The following KAZN variants were observed in gnomAD, a reference collection of about 807,000 sequenced individuals.
The protein encoded by KAZN is kazrin.
Under a neutral mutation model 87.4 loss-of-function variants are expected in KAZN, and 40 were observed. That is an observed-to-expected ratio of 0.46 (90% confidence interval 0.36 to 0.60). KAZN has a LOEUF of 0.60. KAZN is among the 20% of genes least tolerant of loss of function. The pLI is 0.00. For missense variants in KAZN, 898 were observed against 1,073.9 expected, an observed-to-expected ratio of 0.84 and a Z score of 2.29; for synonymous variants, 466 against 458.3, an observed-to-expected ratio of 1.02 and a Z score of -0.22.
intron 2 of KAZN, among the ~76,000 whole-genome samples, chr1:14,988,283 G>A (rs1419265557): frequency 6.6e-6 from 1 of 152,172 alleles, no homozygotes; most frequent in Admixed American, 6.5e-5. Context: ...CCTCCTCCCG[G>A]GGCTTCCTCC....
At chr1:14,707,313 G>T (rs1295773061) in intron 1 of KAZN, among the ~76,000 whole-genome samples, 2 of 152,156 alleles carry the variant, frequency 1.3e-5, no homozygotes, top group Admixed American at 6.5e-5. Flanking sequence ...GAGGATAAAG[G>T]CAATAACAGA....
At chr1:14,569,319 G>GC (rs1415724176) in intron 2 of KAZN, among the ~76,000 whole-genome samples, 16 of 73,320 alleles carry the variant, frequency 2.2e-4, no homozygotes, top group African/African-American at 9.3e-4. Context: ...TACTTCCTCT[G>GC]CTTTTTTTTT....
intron 2 of KAZN, among the ~76,000 whole-genome samples, chr1:14,224,919 A>AAAGG (rs1647209524): frequency 6.6e-6 from 1 of 152,208 alleles, no homozygotes; most frequent in Non-Finnish European, 1.5e-5. Context: ...ACTGAAATAT[A>AAAGG]AAGGAGGCTT....
intron 1 of KAZN, among the ~76,000 whole-genome samples, chr1:14,130,969 C>G (rs1441314644): frequency 6.6e-6 from 1 of 152,062 alleles, no homozygotes; most frequent in Non-Finnish European, 1.5e-5. Flanking sequence ...GAAGACATAC[C>G]TGAGACTAAG....
intron 1 of KAZN, among the ~76,000 whole-genome samples, chr1:14,900,589 T>C (rs530247051): frequency 6.6e-6 from 1 of 151,868 alleles, no homozygotes; most frequent in African/African-American, 2.4e-5. Context: ...CTGTCTCTAC[T>C]AAAAAATAGA....
intron 1 of KAZN, among the ~76,000 whole-genome samples, chr1:13,967,385 G>A (rs1030156316): frequency 1.1e-4 from 17 of 152,160 alleles, no homozygotes; most frequent in Non-Finnish European, 2.4e-4. Context: ...GGGAGCCTTT[G>A]GAATCTCCCC....
In KAZN at chr1:14,842,505, C is replaced by T. The variant is rs181027493; in HGVS notation, c.227-118179C>T. On this transcript the variant is annotated intron_variant, in intron 1 of 14. Coordinates refer to ENST00000376030, the MANE Select transcript of KAZN (RefSeq NM_201628.3). Reference sequence around the variant, plus strand: ...CATTCTCTCCTGTTGCGTTAGCTATCAGCCCTGTGAAGCCCTCGTTGTCCT... The same window carrying T: ...CATTCTCTCCTGTTGCGTTAGCTATTAGCCCTGTGAAGCCCTCGTTGTCCT... Among the ~76,000 whole-genome samples the T allele has an allele frequency of 4.6e-5, 7 of 152,344 alleles. No homozygotes were observed. In the East Asian group the frequency reaches 1.3e-3, roughly 29 times the overall value.
chr1:14,740,457 A>T (rs1644057461), intron 1 of KAZN, among the ~76,000 whole-genome samples: 1 of 151,874 alleles, frequency 6.6e-6, no homozygotes, highest in Admixed American at 6.6e-5. Flanking sequence ...ATATGTGCCC[A>T]CTTCTCTTCT....
intron 1 of KAZN, among the ~76,000 whole-genome samples, chr1:14,930,224 G>A (rs1412854496): frequency 6.6e-6 from 1 of 152,172 alleles, no homozygotes; most frequent in African/African-American, 2.4e-5. Context: ...CGGTGCCCGT[G>A]GTCTCGTCTT....
chr1:14,251,030 G>GC (rs1239127254), intron 2 of KAZN, among the ~76,000 whole-genome samples: 3 of 152,058 alleles, frequency 2.0e-5, no homozygotes, highest in African/African-American at 7.2e-5. Context: ...CTTCCAGAAT[G>GC]CCCCCTAGTG....
chr1:14,180,173 A>AG lies in KAZN; in HGVS notation c.92-260dup, dbSNP rs1339638810. 5.9e-5 allele frequency among the ~76,000 whole-genome samples: 9 copies of AG among 152,264 alleles called. No individual in the cohort carries two copies. In the East Asian group the frequency reaches 1.7e-3, roughly 29 times the overall value. ...TGCAACAGGACTAGATACTCCATGAAGGTAGGTACCATGTCAGGCTTTGCT... is the reference window on the plus strand; with the variant it reads ...TGCAACAGGACTAGATACTCCATGAAGGGTAGGTACCATGTCAGGCTTTGCT... On this transcript the variant is annotated intron_variant, in intron 1 of 16. Transcript: ENST00000636203.
chr1:14,069,357 A>G (rs985031208), intron 1 of KAZN, among the ~76,000 whole-genome samples: 1 of 152,218 alleles, frequency 6.6e-6, no homozygotes, highest in East Asian at 1.9e-4. Context: ...CCTTCTACAC[A>G]ACCGCGATTA....
intron 2 of KAZN, among the ~76,000 whole-genome samples, chr1:14,462,268 G>C (rs1177053464): frequency 3.3e-5 from 5 of 151,986 alleles, no homozygotes; most frequent in Admixed American, 3.3e-4. Flanking sequence ...AAGGGACTAA[G>C]AGTGGAGACC....
intron 2 of KAZN, among the ~76,000 whole-genome samples, chr1:14,496,337 G>A (rs1445482843): frequency 6.6e-6 from 1 of 152,176 alleles, no homozygotes; most frequent in African/African-American, 2.4e-5. Context: ...AAATGGCACT[G>A]AGGAATGTGA....
chr1:14,301,363 G>A (rs777014625), intron 2 of KAZN, among the ~76,000 whole-genome samples: 9 of 152,152 alleles, frequency 5.9e-5, no homozygotes, highest in East Asian at 1.9e-4. Flanking sequence ...TCAAACCTGC[G>A]GATTCCTTCC....
intron 2 of KAZN, among the ~76,000 whole-genome samples, chr1:14,973,036 A>T (rs1167419926): frequency 6.6e-6 from 1 of 151,924 alleles, no homozygotes; most frequent in African/African-American, 2.4e-5. Context: ...ACCCCATGAC[A>T]TAGATGGGGT....
At chr1:14,530,501 G>A (rs951662494) in intron 2 of KAZN, among the ~76,000 whole-genome samples, 8 of 152,202 alleles carry the variant, frequency 5.3e-5, no homozygotes, top group African/African-American at 1.9e-4. Context: ...CTGGTGGGAG[G>A]TGTTTTGGTC....
chr1:14,710,426 C>T (rs1411745124), intron 1 of KAZN, among the ~76,000 whole-genome samples: 6 of 152,170 alleles, frequency 3.9e-5, no homozygotes, highest in African/African-American at 4.8e-5. Context: ...GATGTCCTAC[C>T]GTGGCACGTG....
intron 2 of KAZN, among the ~76,000 whole-genome samples, chr1:14,470,549 A>G (rs1668400135): frequency 1.3e-5 from 2 of 152,224 alleles, no homozygotes; most frequent in South Asian, 4.1e-4. Flanking sequence ...TTTCTCTTAG[A>G]TAGAAGAGCC....
Sources: gnomAD v4.1 joint callset for allele counts (sites outside exome capture counted in the v4.1 genomes callset) on GRCh38, gnomAD v4.1.1 for gene constraint, MANE v1.5 for transcripts, NCBI Gene and HGNC (gene_info 2026-07-23, HGNC 2026-07-21) for gene names.